Variants in SORBS2 observed in about 807,000 individuals in gnomAD.
SORBS2 encodes sorbin and SH3 domain containing 2, also known as sorbin and SH3 domain-containing protein 2.
SORBS2 carries 46 observed loss-of-function variants against 97.7 expected under a neutral mutation model. The observed-to-expected ratio is 0.47, with a 90% confidence interval of 0.37 to 0.60. The LOEUF is 0.60. Among genes scored for constraint, SORBS2 ranks in the 20% least tolerant of loss-of-function variants. The pLI is 0.00. For synonymous variants in SORBS2, 476 were observed against 473.4 expected (o/e 1.01, Z -0.07); for missense variants, 1,316 against 1,282.3 (o/e 1.03, Z -0.40).
At chr4:185,886,554 C>CAAAAAAA (rs1198439527) in intron 1 of SORBS2, among the ~76,000 whole-genome samples, 33 of 72,714 alleles carry the variant, frequency 4.5e-4, no homozygotes, top group Non-Finnish European at 6.0e-4. Context: ...GACTCTGTCT[C>CAAAAAAA]AAAAAAAAAA....
At chr4:185,737,409 T>C (rs1466614093) in intron 2 of SORBS2, among the ~76,000 whole-genome samples, 3 of 152,294 alleles carry the variant, frequency 2.0e-5, no homozygotes, top group Admixed American at 2.0e-4. Flanking sequence ...CCTCCCTGGA[T>C]GGCTGTACCG....
Position 185,607,880 on chromosome 4 carries a change from G to A in SORBS2, c.2796+3900C>T, listed in dbSNP as rs535352794. Among the ~76,000 whole-genome samples, 3 of 152,122 alleles carry A rather than the reference G, an allele frequency of 2.0e-5. No individual in the cohort carries two copies. Among genetic ancestry groups the A allele is most frequent in the Non-Finnish European group, 4.4e-5 (3 of 68,014 alleles). On this transcript the variant is annotated intron_variant, in intron 12 of 14. Coordinates refer to ENST00000418609, the Ensembl canonical transcript of SORBS2. The surrounding 1 kb of genome is among the most constrained non-coding windows in gnomAD (Gnocchi z 5.2). ...AGCTAATTTTTATATTTTTAGTAGA[G>A]ACGGGTTTCACCATGTTGGCCAGGC...
At chr4:185,773,370 T>C (rs1397432354) in intron 2 of SORBS2, 2 of 152,216 alleles carry the variant, frequency 1.3e-5, no homozygotes, top group Non-Finnish European at 2.9e-5. Flanking sequence ...AGGGGAAAAG[T>C]GGCAATGAAA....
intron 8 of SORBS2, among the ~76,000 whole-genome samples, chr4:185,618,935 T>C (rs1019416603): frequency 1.1e-4 from 16 of 152,218 alleles, no homozygotes; most frequent in Admixed American, 2.0e-4. Context: ...TTTTGGCTGT[T>C]ACAAAGGCTC....
chr4:185,923,412 C>T (rs2099261900), intron 1 of SORBS2, among the ~76,000 whole-genome samples: 2 of 151,726 alleles, frequency 1.3e-5, no homozygotes, highest in African/African-American at 4.8e-5. Flanking sequence ...CCTGCCTCAG[C>T]CTCCTGAGCA....
At chr4:185,638,625 ATTC>A (rs2097068125) in intron 4 of SORBS2, among the ~76,000 whole-genome samples, 3 of 140,892 alleles carry the variant, frequency 2.1e-5, no homozygotes, top group Non-Finnish European at 4.6e-5. Context: ...TCTGCAGACA[ATTC>A]ACTCGGGTGC....
intron 2 of SORBS2, among the ~76,000 whole-genome samples, chr4:185,736,755 G>A (rs943855925): frequency 1.3e-5 from 2 of 152,122 alleles, no homozygotes; most frequent in African/African-American, 4.8e-5. Flanking sequence ...TCACACGTCT[G>A]TGTGTGCCAC....
intron 1 of SORBS2, among the ~76,000 whole-genome samples, chr4:185,855,615 A>C (rs1027524): frequency 0.96 from 145,698 of 152,262 alleles, 70,076 homozygotes; most frequent in East Asian, 1. Context: ...TCTAAAAGCA[A>C]AGTAAGAAAG....
chr4:185,618,686 A>G (rs1319784659), intron 8 of SORBS2, 55 bp from the exon 21 acceptor site: 2 of 1,239,488 alleles, frequency 1.6e-6, no homozygotes, highest in Non-Finnish European at 2.3e-6. Flanking sequence ...TTTCTACAAG[A>G]AAGTAGTTTA....
chr4:185,770,026 T>C lies in SORBS2; in HGVS notation c.-198+5201A>G, dbSNP rs180935458. 3.9e-5 allele frequency among the ~76,000 whole-genome samples: 6 copies of C among 152,196 alleles called. No homozygotes were observed. In the East Asian group the frequency reaches 1.2e-3, roughly 29 times the overall value. The stretch of plus-strand genomic sequence containing the variant: ...AGGTGATAAGAAACATCTGAAGCAG[T>C]TGACAGATCATGAAGCGGGTCCTCT... On this transcript the variant is annotated intron_variant, in intron 2 of 20. Transcript: ENST00000284776.
At chr4:185,676,758 A>T (rs1170631573) in intron 4 of SORBS2, among the ~76,000 whole-genome samples, 1 of 152,202 alleles carries the variant, frequency 6.6e-6, no homozygotes, top group East Asian at 1.9e-4. Context: ...AGAAAAAAAA[A>T]AATTTAGAAC....
chr4:185,950,029 G>A lies in SORBS2; in HGVS notation c.-338+6167C>T, dbSNP rs10001283. 3.3e-3 allele frequency among the ~76,000 whole-genome samples: 500 copies of A among 152,232 alleles called. 5 individuals carry two copies. Among genetic ancestry groups the A allele is most frequent in the African/African-American group, 0.01 (427 of 41,548 alleles). On this transcript the variant is annotated intron_variant, in intron 1 of 20. Transcript: ENST00000284776. ...AGCACTTTGGGAGGCCAAGGCGGGC[G>A]GATCATGAGGTCAGGAGTTCGAAAC...
Position 185,621,305 on chromosome 4 carries a change from T to G in SORBS2, c.2216-1154A>C, listed in dbSNP as rs1003313180. On this transcript the variant is annotated intron_variant, in intron 7 of 14. Transcript: ENST00000418609. Reference sequence around the variant, plus strand: ...TAATGATCATAAATTTTAAATTACTTTTTCTAACCCAGGGAATATAAGCTA... The same window carrying G: ...TAATGATCATAAATTTTAAATTACTGTTTCTAACCCAGGGAATATAAGCTA... Among the ~76,000 whole-genome samples the G allele has an allele frequency of 3.9e-5, 6 of 152,334 alleles. No homozygotes were observed. In the South Asian group the frequency reaches 8.3e-4, roughly 21 times the overall value.
intron 1 of SORBS2, among the ~76,000 whole-genome samples, chr4:185,899,201 C>G (rs908008934): frequency 3.3e-5 from 5 of 152,082 alleles, no homozygotes; most frequent in Non-Finnish European, 7.4e-5. Context: ...AGGTAAGAAG[C>G]ACCAGGTCCG....
rs561503944 is a variant in SORBS2, at chr4:185,708,715, A to T, written c.-197-29893T>A. ...CAGTGCTTTCTTGGTCATGCTAATC[A>T]AAAAGGAAAGGGGGAAGAAACATGT... On this transcript the variant is annotated intron_variant, in intron 2 of 20. Coordinates refer to the SORBS2 transcript ENST00000284776. 3.3e-5 allele frequency among the ~76,000 whole-genome samples: 5 copies of T among 152,294 alleles called. No homozygotes were observed. In the East Asian group the frequency reaches 9.6e-4, roughly 29 times the overall value.
intron 14 of SORBS2, among the ~76,000 whole-genome samples, chr4:185,588,926 T>C (rs1291949082): frequency 6.6e-6 from 1 of 152,150 alleles, no homozygotes; most frequent in Non-Finnish European, 1.5e-5. Context: ...TTTTTTCTTC[T>C]TTTAATGGAA....
rs573204943 is a variant in SORBS2, at chr4:185,652,879, T to G, written c.25-151A>C. The G allele has an allele frequency of 1.8e-5, 12 of 661,186 alleles. No individual in the cohort carries two copies. The African/African-American group carries it at 2.2e-4, about 12-fold the overall frequency. The allele number at this position is 661,186 out of a possible 1,614,324, so 41.0% of individuals were successfully genotyped here. A position where few individuals can be genotyped will look rare whatever the true frequency, so the allele number is the denominator to read the frequency against. ...TCTTTGCTATGGCTTCATGACAGTT[T>G]CAGCAATTTACTTAGTTATGTGTGC... On this transcript the variant is annotated intron_variant, in intron 1 of 14. Transcript: ENST00000418609.
chr4:185,669,460 A>G (rs1003256289), intron 4 of SORBS2, among the ~76,000 whole-genome samples: 1 of 152,190 alleles, frequency 6.6e-6, no homozygotes, highest in African/African-American at 2.4e-5. Flanking sequence ...TATAGTCATA[A>G]GCCCCTAAGC....
intron 2 of SORBS2, among the ~76,000 whole-genome samples, chr4:185,710,502 C>T (rs1335343224): frequency 6.6e-6 from 1 of 152,212 alleles, no homozygotes; most frequent in Non-Finnish European, 1.5e-5. Context: ...TATATTAGAT[C>T]CACACTCCCC....
Sources: gnomAD v4.1 joint callset for allele counts (sites outside exome capture counted in the v4.1 genomes callset) on GRCh38, gnomAD v4.1.1 for gene constraint, Gnocchi (gnomAD v3.1) non-coding constraint, MANE v1.5 for transcripts, NCBI Gene and HGNC (gene_info 2026-07-23, HGNC 2026-07-21) for gene names.